Variants in PABIR3 observed in about 807,000 individuals in gnomAD.
PABIR3 encodes the protein PABIR family member 1.
PABIR3 carries 20 observed loss-of-function variants against 23.1 expected under a neutral mutation model. The observed-to-expected ratio is 0.86, with a 90% CI of 0.61 to 1.26. PABIR3 has a LOEUF of 1.26. Among genes scored for constraint, PABIR3 ranks in the 50% most tolerant of loss-of-function variants. The pLI is 0.00. For synonymous variants in PABIR3, 69 were observed against 68.5 expected (o/e 1.01, Z -0.04); for missense variants, 189 against 195.4 (o/e 0.97, Z 0.20).
At chrX:134,813,537 T>G (rs1390337395) in intron 2 of PABIR3, among the ~76,000 whole-genome samples, 1 of 112,210 alleles carries the variant, frequency 8.9e-6, no homozygotes, top group Non-Finnish European at 1.9e-5. Context: ...ATTTCTCACA[T>G]TGGAGGAACC....
chrX:134,825,598 C>A (rs2081468584), intron 3 of PABIR3, among the ~76,000 whole-genome samples: 1 of 111,234 alleles, frequency 9.0e-6, no homozygotes, highest in Non-Finnish European at 1.9e-5. Flanking sequence ...AGATATCAAC[C>A]CTGGAACATG....
chrX:134,814,675 G>A, intron 2 of PABIR3, 96 bp from the exon 3 acceptor site: 1 of 632,980 alleles, frequency 1.6e-6, no homozygotes, highest in South Asian at 3.7e-5. Flanking sequence ...CTCCAGCCTG[G>A]GCAACAGAAC....
upstream of PABIR3, among the ~76,000 whole-genome samples, chrX:134,804,771 C>A (rs1425970389): frequency 8.9e-6 from 1 of 112,514 alleles, no homozygotes; most frequent in Non-Finnish European, 1.9e-5. Flanking sequence ...TCATATTTTT[C>A]TGTTATTCAG....
chrX:134,847,393 G>A lies in PABIR3; in HGVS notation c.356G>A (p.Gly119Asp), dbSNP rs1569461605. The A allele has an allele frequency of 1.7e-6, 2 of 1,203,639 alleles. No homozygotes were observed. The highest frequency in any genetic ancestry group is 2.2e-6 in the Non-Finnish European group (2 of 889,316). ...TTTCTGCTTACACAGAATGACAATG[G>A]CTTACAGAAATCATCCTCTCTAAAG... The part of the protein sequence containing the change: ...WEEGLKLNDN[G>D]LQKSSSLKCI... Residue 119 changes from glycine to aspartate, a missense_variant, in exon 7 of 11, where the codon GGC becomes GAC. Transcript: ENST00000645433.
chrX:134,814,913 T>A (rs1229865095), intron 3 of PABIR3, 64 bp downstream of exon 3: 92 of 850,481 alleles, frequency 1.1e-4, no homozygotes, highest in Non-Finnish European at 6.6e-6. Flanking sequence ...CAACCAATGG[T>A]CTTCAAACTT....
chrX:134,834,808 G>A (rs767424263), intron 4 of PABIR3, among the ~76,000 whole-genome samples: 4 of 111,800 alleles, frequency 3.6e-5, no homozygotes, highest in Non-Finnish European at 7.5e-5. Flanking sequence ...TTGTTGAAGA[G>A]CAGATGGTTG....
intron 4 of PABIR3, among the ~76,000 whole-genome samples, chrX:134,840,221 C>T (rs935419866): frequency 1.4e-4 from 16 of 111,043 alleles, no homozygotes; most frequent in East Asian, 2.8e-4. Context: ...ACAAACACTG[C>T]GGAAGGCCGC....
chrX:134,806,733 G>A (rs2080254883), upstream of PABIR3, among the ~76,000 whole-genome samples: 1 of 108,613 alleles, frequency 9.2e-6, no homozygotes, highest in African/African-American at 3.3e-5. Flanking sequence ...ACCTTAGCAA[G>A]ACCCTTTGGG....
chrX:134,818,141 T>C (rs1183060764), intron 3 of PABIR3, among the ~76,000 whole-genome samples: 1 of 111,510 alleles, frequency 9.0e-6, no homozygotes, highest in Non-Finnish European at 1.9e-5. Flanking sequence ...GAAGAGTAGA[T>C]TTACAAAGGA....
downstream of PABIR3, among the ~76,000 whole-genome samples, chrX:134,858,148 T>A (rs1309756903): frequency 1.8e-5 from 2 of 112,048 alleles, no homozygotes; most frequent in Non-Finnish European, 3.8e-5. Context: ...TACCTCTCAA[T>A]GCAGAAATCC....
intron 1 of PABIR3, among the ~76,000 whole-genome samples, chrX:134,798,293 G>A (rs1369107222): frequency 8.9e-6 from 1 of 112,297 alleles, no homozygotes; most frequent in Non-Finnish European, 1.9e-5. Flanking sequence ...ATTTATTAGA[G>A]AATATATGAA....
chrX:134,857,291 A>G, downstream of PABIR3, among the ~76,000 whole-genome samples: 1 of 110,897 alleles, frequency 9.0e-6, no homozygotes. Flanking sequence ...GTTGCTGGCA[A>G]TCCTTGGCTT....
intron 4 of PABIR3, among the ~76,000 whole-genome samples, chrX:134,843,569 T>A (rs912551119): frequency 1.1e-5 from 1 of 88,381 alleles, no homozygotes; most frequent in East Asian, 3.5e-4. Flanking sequence ...TTTCTTTTTT[T>A]TTTTTTTTTT....
intron 3 of PABIR3, among the ~76,000 whole-genome samples, chrX:134,823,586 T>C (rs1234143900): frequency 8.9e-6 from 1 of 111,937 alleles, no homozygotes; most frequent in Non-Finnish European, 1.9e-5. Context: ...TACATACACG[T>C]ATACATATAT....
intron 3 of PABIR3, among the ~76,000 whole-genome samples, chrX:134,828,703 T>A (rs1167589231): frequency 8.9e-6 from 1 of 112,046 alleles, no homozygotes; most frequent in African/African-American, 3.2e-5. Flanking sequence ...GCTAAATGAC[T>A]TGAAAGTGAT....
chrX:134,862,175 A>T, the PABIR3 span, among the ~76,000 whole-genome samples: 1 of 75,172 alleles, frequency 1.3e-5, no homozygotes, highest in South Asian at 7.6e-4. Flanking sequence ...TTTGAGACAG[A>T]GTTTCACCCT....
At chrX:134,821,779 T>C in intron 3 of PABIR3, 1 of 897,281 alleles carries the variant, frequency 1.1e-6, no homozygotes, top group African/African-American at 2.1e-5. Flanking sequence ...TAAGTAGCAT[T>C]ATAAACCATC....
At chrX:134,851,307 G>A (rs183327178) in intron 9 of PABIR3, among the ~76,000 whole-genome samples, 2 of 110,932 alleles carry the variant, frequency 1.8e-5, no homozygotes, top group South Asian at 3.8e-4. Context: ...AGGCCGAGGC[G>A]GGCGGATGAC....
chrX:134,836,625 T>C (rs1245706264), intron 4 of PABIR3, among the ~76,000 whole-genome samples: 2 of 111,381 alleles, frequency 1.8e-5, no homozygotes, highest in Non-Finnish European at 1.9e-5. Flanking sequence ...CTCCTTTTCA[T>C]GAAGGACAGC....
Sources: gnomAD v4.1 joint callset for allele counts (sites outside exome capture counted in the v4.1 genomes callset) on GRCh38, gnomAD v4.1.1 for gene constraint, MANE v1.5 for transcripts, NCBI Gene and HGNC (gene_info 2026-07-23, HGNC 2026-07-21) for gene names.